KRT8: variants seen among roughly 807,000 people sequenced by gnomAD.
KRT8 encodes keratin 8.
In KRT8, 24 loss-of-function variants were observed where a neutral mutation model predicts 43.0. That is an observed-to-expected ratio of 0.56 (90% confidence interval 0.40 to 0.78). The LOEUF is 0.78. Among genes scored for constraint, KRT8 ranks in the 30% least tolerant of loss-of-function variants. The pLI is 0.00. For synonymous variants in KRT8, 214 were observed against 261.2 expected, an observed-to-expected ratio of 0.82 and a Z score of 1.74; for missense variants, 492 against 638.4, an observed-to-expected ratio of 0.77 and a Z score of 2.47.
At chr12:52,905,742 CACATACACAT>C (rs982145416), upstream of KRT8, among the ~76,000 whole-genome samples, 7 of 13,880 alleles carry the variant, frequency 5.0e-4, no homozygotes, top group East Asian at 6.3e-3. Context: ...CACACACACA[CACATACACAT>C]ACACACACAG....
intron 2 of KRT8, among the ~76,000 whole-genome samples, chr12:52,941,632 G>C (rs533552538): frequency 5.3e-4 from 81 of 151,988 alleles, no homozygotes; most frequent in African/African-American, 2.0e-3. Context: ...GGAATTACAG[G>C]CATGTGCCAC....
At chr12:52,949,168 G>A (rs1398071847) in intron 2 of KRT8, 1 of 1,611,274 alleles carries the variant, frequency 6.2e-7, no homozygotes, top group Non-Finnish European at 8.5e-7. Flanking sequence ...TCTCTCCCCG[G>A]ACAGCATGAG....
upstream of KRT8, among the ~76,000 whole-genome samples, chr12:52,909,443 G>A (rs76379401): frequency 0.017 from 2,572 of 152,346 alleles, 70 homozygotes; most frequent in African/African-American, 0.057. Flanking sequence ...TCAGGAAGCA[G>A]CATCATGAAT....
intron 1 of KRT8, 50 bp downstream of exon 1, chr12:52,904,608 C>T (rs769133024): frequency 1.9e-6 from 3 of 1,551,826 alleles, no homozygotes; most frequent in South Asian, 1.1e-5. Context: ...CCGGGACTAC[C>T]AGGAGAAAGG....
In KRT8 at chr12:52,922,581, G is replaced by C. The variant is rs571948884; in HGVS notation, c.-46-17554C>G. On this transcript the variant is annotated intron_variant, in intron 2 of 6. Transcript: ENST00000546826. ...CCAGCTACTCGGGAGGCTGAGGCAG[G>C]AGAATCGCTTGAACCCAGGAGGCAG... Among the ~76,000 whole-genome samples the C allele has an allele frequency of 3.5e-3, 537 of 152,336 alleles. 4 individuals are homozygous for C. The highest frequency in any genetic ancestry group is 0.012 in the African/African-American group (513 of 41,592).
upstream of KRT8, chr12:52,905,190 G>A (rs1941487164): frequency 5.7e-6 from 5 of 884,130 alleles, no homozygotes; most frequent in Admixed American, 3.0e-5. Context: ...CCTCCGGGCA[G>A]GACTCAGGTG....
At chr12:52,900,659 T>C in exon 4 of KRT8, 1 of 1,613,106 alleles carries the variant, frequency 6.2e-7, no homozygotes, top group Non-Finnish European at 8.5e-7. Context: ...AGCTCTACCT[T>C]GTTCATGTAA....
At chr12:52,933,775 C>T (rs561708411) in intron 2 of KRT8, among the ~76,000 whole-genome samples, 173 of 151,958 alleles carry the variant, frequency 1.1e-3, no homozygotes, top group Middle Eastern at 3.4e-3. Context: ...CAGGTGCCCA[C>T]GACCATGCCT....
intron 2 of KRT8, among the ~76,000 whole-genome samples, chr12:52,937,848 A>T (rs986592530): frequency 3.3e-5 from 5 of 150,710 alleles, no homozygotes; most frequent in African/African-American, 1.2e-4. Context: ...AATACAAAAA[A>T]ATGTAGCCTG....
At chr12:52,918,249 A>AGAAGAAGAAGAAGAG (rs1565725915) in intron 2 of KRT8, among the ~76,000 whole-genome samples, 1 of 151,772 alleles carries the variant, frequency 6.6e-6, no homozygotes, top group East Asian at 1.9e-4. Flanking sequence ...AAGAAGAAGA[A>AGAAGAAGAAGAAGAG]GAAGAAGAAA....
intron 2 of KRT8, among the ~76,000 whole-genome samples, chr12:52,912,807 G>A (rs767363189): frequency 7.2e-5 from 11 of 152,224 alleles, no homozygotes; most frequent in Admixed American, 2.0e-4. Flanking sequence ...GTCTGCTGAA[G>A]AGCAGGTGTG....
At chr12:52,903,676 G>A (rs952137837) in intron 1 of KRT8, 1 of 152,462 alleles carries the variant, frequency 6.6e-6, no homozygotes. Flanking sequence ...GCGGAGCAGG[G>A]ACAGGACGCG....
Position 52,931,271 on chromosome 12 carries a change from G to A in KRT8, c.-47+18185C>T, listed in dbSNP as rs113120949. On this transcript the variant is annotated intron_variant, in intron 2 of 6. Coordinates refer to the KRT8 transcript ENST00000546826. ...TTTAGTAGAGACAGGGTTTCACTGT[G>A]TTAGCCAGGATGGTCTCAATCTCCT... Among the ~76,000 whole-genome samples the A allele has an allele frequency of 7.7e-3, 1,163 of 151,942 alleles. 13 individuals are homozygous for A. Among genetic ancestry groups the A allele is most frequent in the Middle Eastern group, 0.031 (9 of 292 alleles).
At chr12:52,920,893 C>T (rs1035607243) in intron 2 of KRT8, among the ~76,000 whole-genome samples, 9 of 152,188 alleles carry the variant, frequency 5.9e-5, no homozygotes, top group African/African-American at 2.2e-4. Flanking sequence ...GCATATATGT[C>T]TGTAAGACAG....
chr12:52,914,406 G>T (rs751792546), intron 2 of KRT8, among the ~76,000 whole-genome samples: 1 of 149,554 alleles, frequency 6.7e-6, no homozygotes, highest in Non-Finnish European at 1.5e-5. Flanking sequence ...GTATGGTGGC[G>T]CATGCCTGTA....
At chr12:52,938,170 A>ATTTTTTTTT (rs780140219) in intron 2 of KRT8, among the ~76,000 whole-genome samples, 8 of 30,308 alleles carry the variant, frequency 2.6e-4, no homozygotes, top group East Asian at 1.1e-3. Flanking sequence ...ATATATATAT[A>ATTTTTTTTT]TTTTTTTTTT....
At chr12:52,945,622 A>T (rs1592190156) in intron 2 of KRT8, among the ~76,000 whole-genome samples, 1 of 152,056 alleles carries the variant, frequency 6.6e-6, no homozygotes, top group African/African-American at 2.4e-5. Flanking sequence ...GTAAGAGCTG[A>T]CCCACCCCTA....
intron 1 of KRT8, 79 bp downstream of exon 1, chr12:52,904,579 C>A: frequency 7.4e-7 from 1 of 1,352,930 alleles, no homozygotes. Context: ...CAGCTGGGGG[C>A]TGGAGATGTG....
At chr12:52,902,302 G>C (rs1167356032) in intron 1 of KRT8, 1 of 568,722 alleles carries the variant, frequency 1.8e-6, no homozygotes, top group African/African-American at 1.9e-5. Flanking sequence ...GAAGGAGACA[G>C]GTAAGGTAAT....
Sources: allele counts gnomAD v4.1 joint callset (sites outside exome capture counted in the v4.1 genomes callset), GRCh38; gene constraint gnomAD v4.1.1; transcripts MANE v1.5; gene names NCBI Gene and HGNC (gene_info 2026-07-23, HGNC 2026-07-21).